SLC38A8: variants seen among roughly 807,000 people sequenced by gnomAD.
SLC38A8 encodes the protein amino acid transporter SLC38A8.
A neutral mutation model predicts 46.0 loss-of-function variants in SLC38A8; 65 were observed. The observed-to-expected ratio is 1.41, with a 90% CI of 1.16 to 1.74. The LOEUF (loss-of-function observed/expected upper bound fraction) is 1.74, where lower values mean the gene tolerates loss of function less well. SLC38A8 is among the 40% of genes most tolerant of loss of function. SLC38A8 has a pLI of 0.00. For missense variants in SLC38A8, 998 were observed against 567.9 expected (o/e 1.76, Z -7.70); for synonymous variants, 447 against 243.7 (o/e 1.83, Z -7.77).
chr16:84,017,423 A>T, intron 7 of SLC38A8, 136 bp from the exon 8 acceptor site: 1 of 1,030,370 alleles, frequency 9.7e-7, no homozygotes, highest in Non-Finnish European at 1.4e-6. Flanking sequence ...TGGAAGGGAT[A>T]GCCCAAAGCT....
intron 10 of SLC38A8, among the ~76,000 whole-genome samples, chr16:84,011,992 G>A (rs1386586810): frequency 1.3e-5 from 2 of 152,162 alleles, no homozygotes; most frequent in Non-Finnish European, 2.9e-5. Context: ...ACAGGCCAAG[G>A]AGCACCTGGG....
chr16:84,024,179 G>C (rs35184835), intron 6 of SLC38A8, among the ~76,000 whole-genome samples: 1 of 151,994 alleles, frequency 6.6e-6, no homozygotes, highest in Admixed American at 6.6e-5. Flanking sequence ...ACCAACCCAC[G>C]CAAACCCCAC....
chr16:84,042,219 T>G (rs1269212615), intron 1 of SLC38A8, 60 bp from the exon 2 acceptor site: 1 of 1,521,414 alleles, frequency 6.6e-7, no homozygotes, highest in Non-Finnish European at 8.8e-7. Flanking sequence ...CCCTAAGTTC[T>G]CGATATCCTT....
intron 3 of SLC38A8, 83 bp downstream of exon 3, chr16:84,036,619 C>T: frequency 1.3e-6 from 2 of 1,498,556 alleles, no homozygotes; most frequent in East Asian, 2.4e-5. Flanking sequence ...GCCAGGGCCC[C>T]ACGTCCTGCT....
Position 84,030,010 on chromosome 16 carries a change from G to A in SLC38A8, c.633-459C>T, listed in dbSNP as rs539341317. ...CCAGGTCCAGCCTCTTGGGATCCCCGCCTGGTTCACAGCTTCCTTTGACAG... is the reference window on the plus strand; with the variant it reads ...CCAGGTCCAGCCTCTTGGGATCCCCACCTGGTTCACAGCTTCCTTTGACAG... On this transcript the variant is annotated intron_variant, in intron 5 of 10. Coordinates refer to ENST00000299709, the MANE Select transcript of SLC38A8 (RefSeq NM_001080442.3). Among the ~76,000 whole-genome samples, 50 of 152,296 alleles carry A rather than the reference G, an allele frequency of 3.3e-4. No homozygotes were observed. The South Asian group carries it at 4.8e-3, about 15-fold the overall frequency.
At chr16:84,010,718 T>C (rs142640911) in intron 10 of SLC38A8, among the ~76,000 whole-genome samples, 1 of 152,158 alleles carries the variant, frequency 6.6e-6, no homozygotes, top group African/African-American at 2.4e-5. Flanking sequence ...CACTCCAGCC[T>C]GGAGGACAGA....
At chr16:84,031,554 TG>T (rs80148921) in intron 5 of SLC38A8, among the ~76,000 whole-genome samples, 8,917 of 152,232 alleles carry the variant, frequency 0.059, 388 homozygotes, top group East Asian at 0.15. Context: ...TGCAGCTGGA[TG>T]GCTGCCAGAT....
chr16:84,035,717 G>C (rs2085292977), intron 3 of SLC38A8, among the ~76,000 whole-genome samples: 1 of 152,224 alleles, frequency 6.6e-6, no homozygotes, highest in South Asian at 2.1e-4. Flanking sequence ...TAATGGTAGA[G>C]AAGACAGATT....
At chr16:84,028,664 G>A (rs1356462057) in intron 6 of SLC38A8, among the ~76,000 whole-genome samples, 2 of 151,274 alleles carry the variant, frequency 1.3e-5, no homozygotes, top group Non-Finnish European at 2.9e-5. Context: ...GCAGAGGACT[G>A]AGCCCAGGCC....
In SLC38A8 at chr16:84,013,072, A is replaced by G. The variant is rs781399880; in HGVS notation, c.1163-20T>C. The G allele has an allele frequency of 3.1e-6, 5 of 1,613,898 alleles. No individual in the cohort carries two copies. The African/African-American group carries it at 6.7e-5, about 22-fold the overall frequency. On this transcript the variant is annotated intron_variant, in intron 9 of 10. Transcript: ENST00000299709. The stretch of plus-strand genomic sequence containing the variant: ...ACAAACCTGCAAAAAAGACAGGGTC[A>G]CCCACAGTTCTTCGTTATCAAACCC...
intron 7 of SLC38A8, among the ~76,000 whole-genome samples, chr16:84,021,384 C>G (rs1392262296): frequency 1.3e-5 from 2 of 152,182 alleles, no homozygotes; most frequent in Non-Finnish European, 2.9e-5. Context: ...CTTTCAAGTT[C>G]AGCCTTCCAC....
chr16:84,040,971 A>T (rs2085360616), intron 2 of SLC38A8: 1 of 152,200 alleles, frequency 6.6e-6, no homozygotes, highest in African/African-American at 2.4e-5. Context: ...TTCCAAACAG[A>T]CCCGAAGAGC....
In SLC38A8 at chr16:84,009,886, T is replaced by C; in HGVS notation, c.1215-9A>G. 2 of 1,609,796 alleles carry C rather than the reference T, an allele frequency of 1.2e-6. No individual in the cohort carries two copies. Among genetic ancestry groups the C allele is most frequent in the Non-Finnish European group, 8.5e-7 (1 of 1,178,706 alleles). On this transcript the variant is annotated splice_polypyrimidine_tract_variant and intron_variant, in intron 10 of 10. Transcript: ENST00000299709. ...AGACCTCCAGGCAGCACCTGCCAAG[T>C]GAATAAACCCATGTCAGAGCTTTTC...
At chr16:84,032,993 TGC>T in intron 4 of SLC38A8, among the ~76,000 whole-genome samples, 1 of 55,432 alleles carries the variant, frequency 1.8e-5, no homozygotes, top group Non-Finnish European at 3.6e-5. Context: ...TAGGTGGGTG[TGC>T]ATGGGGGGGT....
intron 2 of SLC38A8, among the ~76,000 whole-genome samples, chr16:84,041,658 T>G (rs2085368311): frequency 2.0e-5 from 3 of 152,158 alleles, no homozygotes; most frequent in Admixed American, 2.0e-4. Flanking sequence ...AAAGAGCAGC[T>G]GGCCAGGCAG....
At chr16:84,014,959 G>C (rs1164825923) in intron 9 of SLC38A8, among the ~76,000 whole-genome samples, 1 of 152,002 alleles carries the variant, frequency 6.6e-6, no homozygotes, top group Admixed American at 6.6e-5. Flanking sequence ...GCCCCCATTC[G>C]AGTTTTGGAA....
intron 6 of SLC38A8, among the ~76,000 whole-genome samples, chr16:84,023,271 G>A (rs1597260203): frequency 6.6e-6 from 1 of 152,158 alleles, no homozygotes; most frequent in Non-Finnish European, 1.5e-5. Flanking sequence ...AGTTTAGATT[G>A]TGCGGCCCAA....
chr16:84,009,709 G>A lies in SLC38A8; in HGVS notation c.*75C>T. The A allele has an allele frequency of 7.9e-7, 1 of 1,264,980 alleles. No homozygotes were observed. Among genetic ancestry groups the A allele is most frequent in the African/African-American group, 1.5e-5 (1 of 66,122 alleles). 78.4% of individuals were successfully genotyped at this position (1,264,980 alleles called of 1,614,324 possible). Reference sequence around the variant, plus strand: ...TTTATGAGGAAAAGAAATGGCATCGGTCTCCTGGCTGCATACAGCAGCCAC... The same window carrying A: ...TTTATGAGGAAAAGAAATGGCATCGATCTCCTGGCTGCATACAGCAGCCAC... On this transcript the variant is annotated 3_prime_UTR_variant, in exon 11 of 11. Coordinates refer to ENST00000299709, the MANE Select transcript of SLC38A8 (RefSeq NM_001080442.3).
At chr16:84,024,088 A>C (rs1025517939) in intron 6 of SLC38A8, among the ~76,000 whole-genome samples, 8 of 152,152 alleles carry the variant, frequency 5.3e-5, no homozygotes, top group Non-Finnish European at 1.2e-4. Flanking sequence ...GACCTACTAC[A>C]TGCCAGTAAC....
Sources: gnomAD v4.1 joint callset for allele counts (sites outside exome capture counted in the v4.1 genomes callset) on GRCh38, gnomAD v4.1.1 for gene constraint, MANE v1.5 for transcripts, NCBI Gene and HGNC (gene_info 2026-07-23, HGNC 2026-07-21) for gene names.